The following CASP10 variants were observed in gnomAD, a reference collection of about 807,000 sequenced individuals.
The protein encoded by CASP10 is caspase 10.
CASP10 carries 41 observed loss-of-function variants against 48.5 expected under a neutral mutation model. The observed-to-expected ratio is 0.85, with a 90% CI of 0.66 to 1.10. The LOEUF (loss-of-function observed/expected upper bound fraction) is 1.10. Among genes scored for constraint, CASP10 ranks in the 50% least tolerant of loss-of-function variants. The pLI, the probability that CASP10 is intolerant of heterozygous loss-of-function variation, is 0.00. For missense variants in CASP10, 614 were observed against 614.5 expected (o/e 1.00, Z 0.01); for synonymous variants, 232 against 238.4 (o/e 0.97, Z 0.25).
intron 5 of CASP10, 134 bp from the exon 6 acceptor site, chr2:201,203,596 C>T (rs1945099945): frequency 8.6e-6 from 7 of 817,806 alleles, no homozygotes; most frequent in African/African-American, 3.4e-5. Flanking sequence ...CATGAGCCAC[C>T]GCAACCGGCC....
chr2:201,203,308 CTTTTT>C (rs34064194), intron 5 of CASP10, among the ~76,000 whole-genome samples: 1 of 133,992 alleles, frequency 7.5e-6, no homozygotes, highest in Non-Finnish European at 1.6e-5. Flanking sequence ...AATGAACTTT[CTTTTT>C]TTTTTTTTTT....
At chr2:201,226,750 G>A (rs1945792787) in intron 9 of CASP10, among the ~76,000 whole-genome samples, 1 of 152,034 alleles carries the variant, frequency 6.6e-6, no homozygotes, top group African/African-American at 2.4e-5. Flanking sequence ...GAGGAGGATA[G>A]ATAAATTGTG....
chr2:201,228,331 A>G (rs1025048105), intron 9 of CASP10, among the ~76,000 whole-genome samples: 2 of 151,732 alleles, frequency 1.3e-5, no homozygotes, highest in African/African-American at 4.9e-5. Context: ...ACACAGCGAG[A>G]CTCCCTCTAA....
intron 4 of CASP10, 60 bp from the exon 5 acceptor site, chr2:201,195,782 A>G (rs537903314): frequency 1.5e-5 from 20 of 1,359,854 alleles, no homozygotes; most frequent in Middle Eastern, 1.8e-4. Flanking sequence ...GGTTCAAGCA[A>G]TTCTCCTGCT....
At position 201,209,054 on chromosome 2, in the gene CASP10, T is replaced by TG; in HGVS notation, c.923-16_923-15insG. 1 of 1,603,884 alleles carries TG rather than the reference T, an allele frequency of 6.2e-7. No homozygotes were observed. The highest frequency in any genetic ancestry group is 8.5e-7 in the Non-Finnish European group (1 of 1,176,218). On this transcript the variant is annotated splice_polypyrimidine_tract_variant and intron_variant, in intron 8 of 9. Transcript: ENST00000286186. Reference sequence around the variant, plus strand: ...CTCTCTCTCTCTCTTTTTTTTTTTTTTTTGTTTTTAAACAGAGATCCTGAG... The same window carrying TG: ...CTCTCTCTCTCTCTTTTTTTTTTTTTGTTTGTTTTTAAACAGAGATCCTGAG...
rs2126064563 is a variant in CASP10 at position 201,219,957 on chromosome 2, T to C, written c.*2216T>C. ...GTGGAAGGGCATTAGGAGTGTTTCA[T>C]TTGATATGTGAATGCTCATAAAAAA... On this transcript the variant is annotated 3_prime_UTR_variant, in exon 10 of 10. Coordinates refer to ENST00000286186, the MANE Select transcript of CASP10 (RefSeq NM_032977.4). The C allele has an allele frequency of 1.0e-6, 1 of 985,432 alleles. No homozygotes were observed. The highest frequency in any genetic ancestry group is 4.7e-5 in the South Asian group (1 of 21,280). The allele number at this position is 985,432 out of a possible 1,614,324, so 61.0% of individuals were successfully genotyped here.
rs1682617440 is a variant in CASP10 at position 201,219,280 on chromosome 2, T to G, written c.*1539T>G. 1 of 300,362 alleles carries G rather than the reference T, an allele frequency of 3.3e-6. No individual in the cohort carries two copies. The highest frequency in any genetic ancestry group is 4.9e-6 in the Non-Finnish European group (1 of 204,002). 18.6% of individuals were successfully genotyped at this position (300,362 alleles called of 1,614,324 possible). On this transcript the variant is annotated 3_prime_UTR_variant, in exon 10 of 10. Transcript: ENST00000286186. ...GCGAGACCTTGTTTAAAAAAAAAATTCAATATTGGGGTTGGAACATTTCAG... is the reference window on the plus strand; with the variant it reads ...GCGAGACCTTGTTTAAAAAAAAAATGCAATATTGGGGTTGGAACATTTCAG...
At position 201,221,224 on chromosome 2, in the gene CASP10, G is replaced by C. The variant is rs1437522296; in HGVS notation, c.*3483G>C. The C allele has an allele frequency of 1.0e-6, 1 of 985,266 alleles. No homozygotes were observed. Among genetic ancestry groups the C allele is most frequent in the African/African-American group, 1.7e-5 (1 of 57,220 alleles). The allele number at this position is 985,266 out of a possible 1,614,324, so 61.0% of individuals were successfully genotyped here. A position where few individuals can be genotyped will look rare whatever the true frequency, so the allele number is the denominator to read the frequency against. ...AGTAAGATCTAATTCTTCCCTCACT[G>C]GTTCGTGATGTCTACCGCAGCAGAA... is the stretch of plus-strand genomic sequence containing the variant. On this transcript the variant is annotated 3_prime_UTR_variant, in exon 10 of 10. Transcript: ENST00000286186.
At position 201,218,518 on chromosome 2, in the gene CASP10, T is replaced by C; in HGVS notation, c.*777T>C. The C allele has an allele frequency of 3.6e-6, 3 of 830,096 alleles. No individual in the cohort carries two copies. The highest frequency in any genetic ancestry group is 4.4e-6 in the Non-Finnish European group (3 of 688,704). The allele number at this position is 830,096 out of a possible 1,614,324, so 51.4% of individuals were successfully genotyped here. On this transcript the variant is annotated 3_prime_UTR_variant, in exon 10 of 10. Coordinates refer to ENST00000286186, the MANE Select transcript of CASP10 (RefSeq NM_032977.4). ...GGTTTCACTATGTTGCCTAAGCTGG[T>C]CTCAAACTCCTGGGCTCAAGCGATC...
At position 201,186,071 on chromosome 2, in the gene CASP10, C is replaced by G; in HGVS notation, c.294C>G (p.Thr98=). Residue 98 remains threonine (T), a synonymous_variant, in exon 2 of 10, where the codon ACC becomes ACG. Transcript: ENST00000286186. The part of the protein sequence containing the change: ...QKKLLQHLNC[T]KEEVERLLPT... ...AGCTGCTGCAGCACCTCAACTGTACCAAAGAGGAAGTGGAGCGACTGCTGC... is the reference window on the plus strand; with the variant it reads ...AGCTGCTGCAGCACCTCAACTGTACGAAAGAGGAAGTGGAGCGACTGCTGC... 2 of 1,612,524 alleles carry G rather than the reference C, an allele frequency of 1.2e-6. No individual in the cohort carries two copies. Among genetic ancestry groups the G allele is most frequent in the Non-Finnish European group, 8.5e-7 (1 of 1,180,006 alleles).
rs964257437 is a variant in CASP10, at chr2:201,229,156, C to T, written c.*73C>T. ...AGATTGACAACGCCCTACAGCAAGACGGAAACCTCCCTTTACAGCACCACC... is the reference window on the plus strand; with the variant it reads ...AGATTGACAACGCCCTACAGCAAGATGGAAACCTCCCTTTACAGCACCACC... On this transcript the variant is annotated 3_prime_UTR_variant, in exon 10 of 10. Coordinates refer to the CASP10 transcript ENST00000272879. 3.8e-5 allele frequency: 60 copies of T among 1,586,838 alleles called. No individual in the cohort carries two copies. In the East Asian group the frequency reaches 6.7e-4, roughly 18 times the overall value.
intron 5 of CASP10, chr2:201,200,608 A>C: frequency 1.3e-6 from 2 of 1,500,474 alleles, no homozygotes. Context: ...CTCTGCCCTG[A>C]ACCTCATTCG....
In CASP10 at chr2:201,195,887, A is replaced by G. The variant is rs952354110; in HGVS notation, c.623A>G (p.Tyr208Cys). Reference protein sequence around the residue: ...TPPVDKEAESYQGEEELVSQT... With the variant: ...TPPVDKEAESCQGEEELVSQT... ...CCTGTAGACAAGGAAGCCGAGTCGT[A>G]TCAAGGAGAGGAAGAACTAGTTTCC... Residue 208 changes from tyrosine (Y) to cysteine (C), a missense_variant, in exon 5 of 10, where the codon TAT (tyrosine) becomes TGT (cysteine). Physicochemically the swap from Tyr to Cys is radical, Grantham distance 194 (BLOSUM62 -2). Coordinates refer to ENST00000286186, the MANE Select transcript of CASP10 (RefSeq NM_032977.4). 10 of 1,614,042 alleles carry G rather than the reference A, an allele frequency of 6.2e-6. No homozygotes were observed. In the Middle Eastern group the frequency reaches 8.2e-4, roughly 133 times the overall value.
intron 6 of CASP10, 82 bp downstream of exon 6, chr2:201,203,848 G>T: frequency 9.0e-7 from 1 of 1,108,728 alleles, no homozygotes; most frequent in South Asian, 1.3e-5. Context: ...AGGAATTCAA[G>T]GTGACTTGGA....
At chr2:201,208,289 G>C (rs886067197) in intron 8 of CASP10, 106 bp downstream of exon 8, 7 of 1,459,794 alleles carry the variant, frequency 4.8e-6, no homozygotes, top group Non-Finnish European at 6.3e-6. Flanking sequence ...ATACGTGTAA[G>C]GATGATATCA....
At chr2:201,204,679 G>C (rs1370034589) in intron 6 of CASP10, among the ~76,000 whole-genome samples, 1 of 152,204 alleles carries the variant, frequency 6.6e-6, no homozygotes, top group Non-Finnish European at 1.5e-5. Context: ...CCAGCTGTCT[G>C]ATTCCAGAGC....
intron 1 of CASP10, among the ~76,000 whole-genome samples, chr2:201,184,758 T>G (rs1944353858): frequency 6.6e-6 from 1 of 152,208 alleles, no homozygotes; most frequent in Non-Finnish European, 1.5e-5. Flanking sequence ...CCTCTGATTA[T>G]GATGAAATTT....
rs766633480 is a variant in CASP10 at position 201,207,756 on chromosome 2, C to CA, written c.814-304dup. On this transcript the variant is annotated intron_variant, in intron 7 of 9. Coordinates refer to ENST00000286186, the MANE Select transcript of CASP10 (RefSeq NM_032977.4). The stretch of plus-strand genomic sequence containing the variant: ...TGGGTGACAGAGCGAGATGCTGTCT[C>CA]AAAAAAAAAAAAAAATTATCTGGGG... Among the ~76,000 whole-genome samples the CA allele has an allele frequency of 8.3e-3, 1,058 of 127,636 alleles. 4 individuals carry two copies. The highest frequency in any genetic ancestry group is 0.022 in the East Asian group (100 of 4,496). 83.7% of individuals were successfully genotyped at this position (127,636 alleles called of 152,430 possible). A position where few individuals can be genotyped will look rare whatever the true frequency, so the allele number is the denominator to read the frequency against.
intron 9 of CASP10, among the ~76,000 whole-genome samples, chr2:201,228,339 TA>T (rs978022839): frequency 6.7e-5 from 10 of 150,186 alleles, no homozygotes; most frequent in South Asian, 2.1e-4. Context: ...AGACTCCCTC[TA>T]AAAAAAAAAT....
Sources: gnomAD v4.1 joint callset for allele counts (sites outside exome capture counted in the v4.1 genomes callset) on GRCh38, gnomAD v4.1.1 for gene constraint, MANE v1.5 for transcripts, NCBI Gene and HGNC (gene_info 2026-07-23, HGNC 2026-07-21) for gene names.